The following GARNL3 variants were observed in gnomAD, a reference collection of about 807,000 sequenced individuals.
The protein encoded by GARNL3 is GTPase activating Rap/RanGAP domain like 3.
GARNL3 carries 63 observed loss-of-function variants against 125.0 expected under a neutral mutation model. The observed-to-expected ratio is 0.50, with a 90% CI of 0.41 to 0.62. The LOEUF (loss-of-function observed/expected upper bound fraction) is 0.62, where lower values mean the gene tolerates loss of function less well. Among genes scored for constraint, GARNL3 ranks in the 20% least tolerant of loss-of-function variants. The probability of loss-of-function intolerance (pLI) is 0.00; values close to 1 mark genes in which losing one functional copy is unlikely to be tolerated. For synonymous variants in GARNL3, 439 were observed against 457.5 expected, an observed-to-expected ratio of 0.96 and a Z score of 0.52; for missense variants, 994 against 1,244.0, an observed-to-expected ratio of 0.80 and a Z score of 3.02.
upstream of GARNL3, chr9:127,264,742 G>A (rs552686089): frequency 4.4e-5 from 56 of 1,265,784 alleles, no homozygotes; most frequent in Middle Eastern, 9.7e-4. Flanking sequence ...TGACTCTGGC[G>A]TTTGCTTTTT....
At chr9:127,387,412 G>A in intron 25 of GARNL3, 81 bp downstream of exon 25, 1 of 1,293,648 alleles carries the variant, frequency 7.7e-7, no homozygotes, top group Non-Finnish European at 1.1e-6. Flanking sequence ...ATCTACATGT[G>A]ATTACTGTTT....
intron 23 of GARNL3, 121 bp downstream of exon 23, chr9:127,383,666 T>C (rs1832391842): frequency 1.7e-6 from 1 of 589,264 alleles, no homozygotes; most frequent in Non-Finnish European, 3.0e-6. Flanking sequence ...TATACGCGTA[T>C]GATGAATATT....
At position 127,364,537 on chromosome 9, in the gene GARNL3, T is replaced by C. The variant is rs1364870390; in HGVS notation, c.2095-763T>C. The C allele has an allele frequency of 2.0e-5, 3 of 152,126 alleles. No individual in the cohort carries two copies. In the East Asian group the frequency reaches 5.8e-4, roughly 29 times the overall value. 9.4% of individuals were successfully genotyped at this position (152,126 alleles called of 1,614,324 possible). On this transcript the variant is annotated intron_variant, in intron 21 of 27. Coordinates refer to ENST00000373387, the MANE Select transcript of GARNL3 (RefSeq NM_032293.5). The surrounding 1 kb of genome is among the most constrained non-coding windows in gnomAD (Gnocchi z 4.2). ...TCTTAGAGGGCTGGAGTTTTGAAAA[T>C]CAAGAAGGACCAAGGACACCATCAG...
intron 9 of GARNL3, among the ~76,000 whole-genome samples, chr9:127,333,660 A>C (rs1315280291): frequency 2.0e-5 from 3 of 152,102 alleles, no homozygotes; most frequent in African/African-American, 7.2e-5. Context: ...GGGAGAAGAG[A>C]ATTCCAAGCA....
chr9:127,331,377 C>T (rs963855699), intron 7 of GARNL3, among the ~76,000 whole-genome samples: 1 of 151,980 alleles, frequency 6.6e-6, no homozygotes, highest in African/African-American at 2.4e-5. Context: ...CTTGTAATCC[C>T]AGCTACTCAG....
At chr9:127,303,150 C>CA (rs1315858462) in intron 2 of GARNL3, among the ~76,000 whole-genome samples, 10 of 150,612 alleles carry the variant, frequency 6.6e-5, no homozygotes, top group Admixed American at 2.0e-4. Context: ...GACTCCATCT[C>CA]AAAAAAAATA....
At chr9:127,354,485 TA>T (rs1408876764) in intron 19 of GARNL3, 75 bp downstream of exon 19, 4 of 802,922 alleles carry the variant, frequency 5.0e-6, no homozygotes, top group Non-Finnish European at 8.2e-6. Context: ...TTACTGAAAA[TA>T]AAAATGAGTA....
intron 1 of GARNL3, among the ~76,000 whole-genome samples, chr9:127,238,892 G>A (rs1319659562): frequency 6.6e-6 from 1 of 152,158 alleles, no homozygotes; most frequent in Non-Finnish European, 1.5e-5. Context: ...CACTAATAAT[G>A]TGGGTGGAAC....
intron 22 of GARNL3, among the ~76,000 whole-genome samples, chr9:127,375,995 TGTCACCCA>T (rs1831883464): frequency 6.6e-6 from 1 of 152,220 alleles, no homozygotes; most frequent in African/African-American, 2.4e-5. Flanking sequence ...AGTCTTACTC[TGTCACCCA>T]GGCTGGAGTA....
intron 22 of GARNL3, among the ~76,000 whole-genome samples, chr9:127,372,482 T>C (rs1438503211): frequency 6.6e-6 from 1 of 152,244 alleles, no homozygotes; most frequent in Non-Finnish European, 1.5e-5. Flanking sequence ...GTACAAAATA[T>C]CTTTTAGGGA....
At chr9:127,254,781 A>C (rs2063468122) in intron 2 of GARNL3, among the ~76,000 whole-genome samples, 1 of 152,054 alleles carries the variant, frequency 6.6e-6, no homozygotes, top group African/African-American at 2.4e-5. Flanking sequence ...AAAAAAAAAA[A>C]AACTACCAAT....
intron 2 of GARNL3, among the ~76,000 whole-genome samples, chr9:127,295,942 G>A (rs1370429832): frequency 6.6e-6 from 1 of 152,028 alleles, no homozygotes; most frequent in Non-Finnish European, 1.5e-5. Flanking sequence ...TCATCATAAG[G>A]TAGAATCAGT....
At chr9:127,370,409 A>G (rs1405801578) in intron 22 of GARNL3, among the ~76,000 whole-genome samples, 1 of 152,108 alleles carries the variant, frequency 6.6e-6, no homozygotes, top group Non-Finnish European at 1.5e-5. Context: ...GCCCAGAGAG[A>G]AGGGAACAAG....
At position 127,316,318 on chromosome 9, in the gene GARNL3, G is replaced by C. The variant is rs558774845; in HGVS notation, c.439-1745G>C. 3.3e-5 allele frequency among the ~76,000 whole-genome samples: 5 copies of C among 152,212 alleles called. No homozygotes were observed. In the South Asian group the frequency reaches 6.2e-4, roughly 19 times the overall value. The stretch of plus-strand genomic sequence containing the variant: ...GCACTTTGGGAGGTCAAGGCAGAAG[G>C]ATTGCATGGGACCAGGAGTTTGAGA... On this transcript the variant is annotated intron_variant, in intron 4 of 27. Coordinates refer to ENST00000373387, the MANE Select transcript of GARNL3 (RefSeq NM_032293.5).
chr9:127,336,295 C>A, intron 11 of GARNL3, 59 bp downstream of exon 11: 2 of 1,166,752 alleles, frequency 1.7e-6, no homozygotes, highest in Non-Finnish European at 2.5e-6. Flanking sequence ...CCTCACTGGA[C>A]TTCCATGACC....
intron 1 of GARNL3, among the ~76,000 whole-genome samples, chr9:127,278,984 T>G (rs752056018): frequency 5.9e-5 from 9 of 152,164 alleles, no homozygotes; most frequent in Non-Finnish European, 1.3e-4. Flanking sequence ...CTGAATCCAG[T>G]AGGACCTTAT....
chr9:127,314,203 C>T (rs1419779972), intron 4 of GARNL3, among the ~76,000 whole-genome samples: 1 of 152,208 alleles, frequency 6.6e-6, no homozygotes, highest in Non-Finnish European at 1.5e-5. Context: ...TCCTGGGGCA[C>T]ATCCGCTATG....
At chr9:127,311,756 G>GT in intron 3 of GARNL3, 21 bp downstream of exon 3, 1 of 1,511,252 alleles carries the variant, frequency 6.6e-7, no homozygotes, top group East Asian at 2.3e-5. Flanking sequence ...TATTGTGGTG[G>GT]TAGGGAAGAA....
At chr9:127,231,228 GTTTTTTT>G in intron 1 of GARNL3, among the ~76,000 whole-genome samples, 1 of 100,526 alleles carries the variant, frequency 9.9e-6, no homozygotes, top group Middle Eastern at 7.0e-3. Flanking sequence ...CTAATTTTTT[GTTTTTTT>G]TTTTTTTTTT....
Sources: gnomAD v4.1 joint callset for allele counts (sites outside exome capture counted in the v4.1 genomes callset) on GRCh38, gnomAD v4.1.1 for gene constraint, Gnocchi (gnomAD v3.1) non-coding constraint, MANE v1.5 for transcripts, NCBI Gene and HGNC (gene_info 2026-07-23, HGNC 2026-07-21) for gene names.